Variants in PHTF2 observed in about 807,000 individuals in gnomAD.
PHTF2 encodes putative homeodomain transcription factor 2, also known as protein PHTF2.
A neutral mutation model predicts 101.2 loss-of-function variants in PHTF2; 60 were observed. The ratio of observed to expected loss-of-function variants is 0.59; its 90% CI spans 0.48 to 0.73. The LOEUF is 0.73. Among genes scored for constraint, PHTF2 ranks in the 30% least tolerant of loss-of-function variants. The pLI is 0.00. For missense variants in PHTF2, 747 were observed against 908.7 expected (o/e 0.82, Z 2.29); for synonymous variants, 311 against 307.3 (o/e 1.01, Z -0.13).
At chr7:77,885,295 C>T (rs145889397) in intron 3 of PHTF2, among the ~76,000 whole-genome samples, 3 of 152,186 alleles carry the variant, frequency 2.0e-5, no homozygotes, top group Non-Finnish European at 4.4e-5. Context: ...GAGGGTCTCA[C>T]TGTGTTGTCC....
In PHTF2 at chr7:77,834,849, T is replaced by C. The variant is rs1389338622; in HGVS notation, c.-35-5372T>C. ...CAAAGAATGTTGCCACATTTTTTCC[T>C]TAAGAGTGTTTACATATGACCAAGT... is the stretch of plus-strand genomic sequence containing the variant. On this transcript the variant is annotated intron_variant, in intron 1 of 19. Coordinates refer to ENST00000416283, the Ensembl canonical transcript of PHTF2. 3.3e-5 allele frequency among the ~76,000 whole-genome samples: 5 copies of C among 152,224 alleles called. No homozygotes were observed. In the East Asian group the frequency reaches 9.6e-4, roughly 29 times the overall value.
intron 2 of PHTF2, among the ~76,000 whole-genome samples, chr7:77,852,275 T>C (rs1030540550): frequency 4.6e-5 from 7 of 152,316 alleles, no homozygotes; most frequent in African/African-American, 7.2e-5. Context: ...GCAGATCACT[T>C]GAGGTCAGGA....
At position 77,864,738 on chromosome 7, in the gene PHTF2, T is replaced by A. The variant is rs531939483; in HGVS notation, c.147+9904T>A. On this transcript the variant is annotated intron_variant, in intron 3 of 19. Transcript: ENST00000416283. Reference sequence around the variant, plus strand: ...GTATCTCCTCCTGCTAGTGCTCCTATGGGAAAGTTGTGTGTGTTCTTTTTG... The same window carrying A: ...GTATCTCCTCCTGCTAGTGCTCCTAAGGGAAAGTTGTGTGTGTTCTTTTTG... Among the ~76,000 whole-genome samples the A allele has an allele frequency of 1.9e-3, 290 of 152,290 alleles. 1 individual carries two copies. Among genetic ancestry groups the A allele is most frequent in the Middle Eastern group, 3.4e-3 (1 of 294 alleles).
intron 6 of PHTF2, among the ~76,000 whole-genome samples, chr7:77,901,276 T>C (rs1801367048): frequency 6.6e-6 from 1 of 152,214 alleles, no homozygotes; most frequent in Non-Finnish European, 1.5e-5. Flanking sequence ...TCTGTCTATC[T>C]TTTTAGAAAT....
chr7:77,846,140 A>T (rs1414809213), intron 2 of PHTF2, among the ~76,000 whole-genome samples: 2 of 151,782 alleles, frequency 1.3e-5, no homozygotes, highest in African/African-American at 4.8e-5. Flanking sequence ...ATTATTCCTG[A>T]CCTTTTTTCC....
chr7:77,893,875 G>GAATTTC, intron 4 of PHTF2, 107 bp from the exon 4 acceptor site: 1 of 836,142 alleles, frequency 1.2e-6, no homozygotes, highest in South Asian at 1.5e-5. Flanking sequence ...TTTTAAAATT[G>GAATTTC]AATTTCTAAT....
chr7:77,826,907 TGAAAC>T (rs1465199734), intron 1 of PHTF2, among the ~76,000 whole-genome samples: 2 of 152,136 alleles, frequency 1.3e-5, no homozygotes, highest in African/African-American at 2.4e-5. Flanking sequence ...CAACCTCAAA[TGAAAC>T]AAAATTAAAT....
intron 12 of PHTF2, among the ~76,000 whole-genome samples, chr7:77,932,569 GGA>G (rs965743557): frequency 1.7e-4 from 25 of 146,764 alleles, no homozygotes; most frequent in Non-Finnish European, 3.3e-4. Flanking sequence ...ACAGAGAGAG[GGA>G]GAGAGAGAAA....
chr7:77,830,873 G>T (rs551482392), intron 1 of PHTF2, among the ~76,000 whole-genome samples: 1 of 152,258 alleles, frequency 6.6e-6, no homozygotes, highest in African/African-American at 2.4e-5. Context: ...ACATTTCTTT[G>T]TCACACTGGG....
intron 16 of PHTF2, among the ~76,000 whole-genome samples, chr7:77,948,588 A>G (rs113582278): frequency 1.1e-4 from 17 of 152,316 alleles, no homozygotes; most frequent in African/African-American, 2.9e-4. Context: ...CTACAAATCA[A>G]TAGGAAAAAC....
At chr7:77,898,827 TCTTA>T (rs560479672) in intron 5 of PHTF2, among the ~76,000 whole-genome samples, 105 of 152,184 alleles carry the variant, frequency 6.9e-4, no homozygotes, top group African/African-American at 2.5e-3. Context: ...TGGGACAGAG[TCTTA>T]CTTTGTCGCC....
At chr7:77,902,626 A>T (rs577493951) in intron 7 of PHTF2, among the ~76,000 whole-genome samples, 1 of 152,182 alleles carries the variant, frequency 6.6e-6, no homozygotes, top group African/African-American at 2.4e-5. Flanking sequence ...GAGCATTTAG[A>T]AACTAAAGAA....
chr7:77,908,170 C>T (rs1480683386), intron 7 of PHTF2, among the ~76,000 whole-genome samples: 1 of 152,026 alleles, frequency 6.6e-6, no homozygotes, highest in Non-Finnish European at 1.5e-5. Flanking sequence ...ACATGTCTAT[C>T]CCTGAGGTGG....
chr7:77,837,429 G>A (rs1584448102), intron 1 of PHTF2, among the ~76,000 whole-genome samples: 1 of 152,246 alleles, frequency 6.6e-6, no homozygotes, highest in African/African-American at 2.4e-5. Flanking sequence ...TGAGTGCTTT[G>A]TCAGATAGCT....
At chr7:77,850,453 A>G (rs1796662968) in intron 2 of PHTF2, among the ~76,000 whole-genome samples, 1 of 150,140 alleles carries the variant, frequency 6.7e-6, no homozygotes, top group Admixed American at 6.6e-5. Flanking sequence ...CAGCCAGGCA[A>G]CATAGTGGGA....
chr7:77,949,647 C>G, intron 16 of PHTF2, 31 bp from the exon 16 acceptor site: 1 of 1,319,222 alleles, frequency 7.6e-7, no homozygotes, highest in Non-Finnish European at 1.0e-6. Flanking sequence ...AATCACATTG[C>G]TGCTTTATGT....
intron 12 of PHTF2, among the ~76,000 whole-genome samples, chr7:77,935,643 G>A (rs1462559894): frequency 6.6e-6 from 1 of 152,236 alleles, no homozygotes; most frequent in Non-Finnish European, 1.5e-5. Flanking sequence ...GTAGCTAGAT[G>A]TAAAAGGAGT....
At chr7:77,909,019 C>T in intron 8 of PHTF2, 61 bp downstream of exon 7, 1 of 1,116,712 alleles carries the variant, frequency 9.0e-7, no homozygotes, top group Non-Finnish European at 1.3e-6. Flanking sequence ...TACGATTGTT[C>T]TTGACTCCTC....
chr7:77,933,879 A>T (rs939476911), intron 12 of PHTF2, among the ~76,000 whole-genome samples: 4 of 152,172 alleles, frequency 2.6e-5, no homozygotes, highest in South Asian at 2.1e-4. Context: ...GTGCAGAGTA[A>T]ATTGCTCCTA....
Sources: gnomAD v4.1 joint callset for allele counts (sites outside exome capture counted in the v4.1 genomes callset) on GRCh38, gnomAD v4.1.1 for gene constraint, MANE v1.5 for transcripts, NCBI Gene and HGNC (gene_info 2026-07-23, HGNC 2026-07-21) for gene names.